Variants in SI observed in about 807,000 individuals in gnomAD.
SI encodes the protein sucrase-isomaltase.
Under a neutral mutation model 253.3 loss-of-function variants are expected in SI, and 235 were observed. The ratio of observed to expected loss-of-function variants is 0.93; its 90% CI spans 0.83 to 1.03. The LOEUF (loss-of-function observed/expected upper bound fraction) is 1.03, where lower values mean the gene tolerates loss of function less well. Ranked by LOEUF, SI falls within the 50% of genes least tolerant of loss-of-function variation. The pLI is 0.00. For synonymous variants in SI, 819 were observed against 712.0 expected, an observed-to-expected ratio of 1.15 and a Z score of -2.39; for missense variants, 2,442 against 2,211.1, an observed-to-expected ratio of 1.10 and a Z score of -2.09.
chr3:165,070,591 T>C (rs1714512567), intron 3 of SI, among the ~76,000 whole-genome samples: 1 of 151,716 alleles, frequency 6.6e-6, no homozygotes, highest in African/African-American at 2.4e-5. Flanking sequence ...GCAGTCTCTA[T>C]GAAAGATTTG....
At chr3:165,019,990 G>A (rs1711514183) in intron 27 of SI, among the ~76,000 whole-genome samples, 1 of 151,412 alleles carries the variant, frequency 6.6e-6, no homozygotes, top group South Asian at 2.1e-4. Flanking sequence ...ATACTTATAG[G>A]AGAATCATAA....
intron 3 of SI, among the ~76,000 whole-genome samples, chr3:165,074,103 A>T (rs1714783394): frequency 6.6e-6 from 1 of 152,084 alleles, no homozygotes; most frequent in Admixed American, 6.6e-5. Flanking sequence ...TTGCTAAATT[A>T]AAAACAATTA....
rs569011428 is a variant in SI at position 165,022,160 on chromosome 3, G to T, written c.3100-777C>A. Among the ~76,000 whole-genome samples the T allele has an allele frequency of 2.6e-5, 4 of 151,424 alleles. No individual in the cohort carries two copies. The East Asian group carries it at 7.8e-4, about 29-fold the overall frequency. ...TATTTTTTCTTGATTACATGAGTTG[G>T]AATTGCTTTCCCTATGTCACATCTT... On this transcript the variant is annotated intron_variant, in intron 26 of 47. Coordinates refer to ENST00000264382, the MANE Select transcript of SI (RefSeq NM_001041.4).
intron 23 of SI, 60 bp downstream of exon 23, chr3:165,033,335 A>G (rs1712348241): frequency 2.1e-6 from 3 of 1,423,750 alleles, no homozygotes; most frequent in Non-Finnish European, 2.8e-6. Context: ...TTATCATAAA[A>G]GAATAACCTA....
intron 13 of SI, among the ~76,000 whole-genome samples, chr3:165,052,956 G>T (rs1269543756): frequency 1.3e-5 from 2 of 151,530 alleles, no homozygotes; most frequent in East Asian, 1.9e-4. Flanking sequence ...AAATTATTCA[G>T]TTTTTTCATT....
chr3:165,064,585 C>T (rs543303030), intron 7 of SI, among the ~76,000 whole-genome samples: 62 of 151,874 alleles, frequency 4.1e-4, no homozygotes, highest in Admixed American at 1.2e-3. Flanking sequence ...TGTTTGGTCT[C>T]AAAAATCTCA....
chr3:165,043,045 C>T lies in SI; in HGVS notation c.2004+14G>A. The stretch of plus-strand genomic sequence containing the variant: ...GTTTTTTATTTCGCAACATGGAGAA[C>T]AAGAGGCTCTTACTTCATATCCGTC... On this transcript the variant is annotated intron_variant, in intron 17 of 47. Coordinates refer to ENST00000264382, the MANE Select transcript of SI (RefSeq NM_001041.4). 2 of 1,453,122 alleles carry T rather than the reference C, an allele frequency of 1.4e-6. No homozygotes were observed. Among genetic ancestry groups the T allele is most frequent in the Non-Finnish European group, 1.9e-6 (2 of 1,033,726 alleles). 90.0% of individuals were successfully genotyped at this position (1,453,122 alleles called of 1,614,324 possible).
chr3:165,049,338 G>T, intron 14 of SI, 94 bp from the exon 15 acceptor site: 1 of 787,304 alleles, frequency 1.3e-6, no homozygotes, highest in Non-Finnish European at 2.2e-6. Context: ...TTTCATTTGT[G>T]TTATGAAATT....
intron 22 of SI, among the ~76,000 whole-genome samples, chr3:165,035,365 G>A (rs1435257131): frequency 6.6e-6 from 1 of 151,840 alleles, no homozygotes; most frequent in Non-Finnish European, 1.5e-5. Context: ...AAATCACCCA[G>A]AGAATAGATC....
In SI at chr3:165,068,835, A is replaced by G. The variant is rs1480230324; in HGVS notation, c.374-4T>C. Reference sequence around the variant, plus strand: ...CTGTTTAATTTGGCTTCAACTCCTTAAAGAATAAAAAAAAGCTGCCATGAG... The same window carrying G: ...CTGTTTAATTTGGCTTCAACTCCTTGAAGAATAAAAAAAAGCTGCCATGAG... On this transcript the variant is annotated splice_region_variant and splice_polypyrimidine_tract_variant and intron_variant, in intron 4 of 47. Transcript: ENST00000264382. 3 of 1,532,416 alleles carry G rather than the reference A, an allele frequency of 2.0e-6. No individual in the cohort carries two copies. The highest frequency in any genetic ancestry group is 2.6e-6 in the Non-Finnish European group (3 of 1,133,210). The allele number at this position is 1,532,416 out of a possible 1,614,324, so 94.9% of individuals were successfully genotyped here. A position where few individuals can be genotyped will look rare whatever the true frequency, so the allele number is the denominator to read the frequency against.
intron 17 of SI, among the ~76,000 whole-genome samples, chr3:165,042,605 G>T (rs1712897371): frequency 6.6e-6 from 1 of 151,974 alleles, no homozygotes; most frequent in African/African-American, 2.4e-5. Context: ...ATTGAAAGAC[G>T]CTGGACTCTA....
At chr3:164,994,496 A>G (rs1717920946) in intron 40 of SI, 91 bp from the exon 41 acceptor site, 1 of 1,336,378 alleles carries the variant, frequency 7.5e-7, no homozygotes, top group Non-Finnish European at 1.1e-6. Context: ...AAAAAGTAAG[A>G]CATGATATTA....
At chr3:165,033,467 C>A in intron 22 of SI, 23 bp from the exon 23 acceptor site, 1 of 1,524,454 alleles carries the variant, frequency 6.6e-7, no homozygotes. Flanking sequence ...ATATCGTGAT[C>A]AGTACAAAAT....
intron 47 of SI, among the ~76,000 whole-genome samples, chr3:164,979,826 T>C (rs1279543287): frequency 3.9e-5 from 6 of 151,922 alleles, no homozygotes; most frequent in African/African-American, 1.2e-4. Context: ...AAAGTTTAGA[T>C]TTAAAAGTGT....
At chr3:164,993,510 C>T (rs1316551307) in intron 41 of SI, among the ~76,000 whole-genome samples, 1 of 151,502 alleles carries the variant, frequency 6.6e-6, no homozygotes, top group Non-Finnish European at 1.5e-5. Flanking sequence ...TTTAAATGGG[C>T]TTATCAATAG....
chr3:164,979,760 C>T (rs1350324140), intron 47 of SI, among the ~76,000 whole-genome samples: 1 of 151,810 alleles, frequency 6.6e-6, no homozygotes, highest in Non-Finnish European at 1.5e-5. Flanking sequence ...TTTATAACTG[C>T]ACCGCATGAA....
At chr3:164,988,676 T>C (rs2108119698) in intron 44 of SI, among the ~76,000 whole-genome samples, 2 of 152,084 alleles carry the variant, frequency 1.3e-5, no homozygotes, top group East Asian at 3.9e-4. Flanking sequence ...CCAAGAGAGA[T>C]GATATAGCAT....
chr3:165,027,306 TG>T (rs1711981544), intron 25 of SI, among the ~76,000 whole-genome samples: 1 of 151,088 alleles, frequency 6.6e-6, no homozygotes, highest in African/African-American at 2.4e-5. Flanking sequence ...GAGATTAAAA[TG>T]GTAATAAAAA....
intron 33 of SI, among the ~76,000 whole-genome samples, chr3:165,014,334 C>T (rs572317398): frequency 7.3e-4 from 111 of 152,074 alleles, no homozygotes; most frequent in Non-Finnish European, 1.3e-3. Flanking sequence ...CTGCAAGCTC[C>T]GCCTCCCGGG....
Sources: gnomAD v4.1 joint callset for allele counts (sites outside exome capture counted in the v4.1 genomes callset) on GRCh38, gnomAD v4.1.1 for gene constraint, MANE v1.5 for transcripts, NCBI Gene and HGNC (gene_info 2026-07-23, HGNC 2026-07-21) for gene names.